Variants in SKA1 observed in about 807,000 individuals in gnomAD.
SKA1 encodes the protein spindle and kinetochore associated complex subunit 1, also known as SKA complex subunit 1.
Under a neutral mutation model 31.8 loss-of-function variants are expected in SKA1, and 20 were observed. The ratio of observed to expected loss-of-function variants is 0.63; its 90% CI spans 0.44 to 0.91. SKA1 has a LOEUF of 0.91. Ranked by LOEUF, SKA1 falls within the 40% of genes least tolerant of loss-of-function variation. The pLI, the probability that SKA1 is intolerant of heterozygous loss-of-function variation, is 0.00. For synonymous variants in SKA1, 88 were observed against 100.5 expected, an observed-to-expected ratio of 0.88 and a Z score of 0.74; for missense variants, 253 against 298.2, an observed-to-expected ratio of 0.85 and a Z score of 1.12.
At position 50,379,610 on chromosome 18, in the gene SKA1, T is replaced by C. The variant is rs2041247762; in HGVS notation, c.89-516T>C. 3.9e-5 allele frequency among the ~76,000 whole-genome samples: 6 copies of C among 152,214 alleles called. No homozygotes were observed. The South Asian group carries it at 1.2e-3, about 31-fold the overall frequency. On this transcript the variant is annotated intron_variant, in intron 2 of 6. Transcript: ENST00000285116. ...TTCTCACTTCCAACACCCTGTGTTT[T>C]AAAGCCCCAAAACCTTGGATCTTAT...
intron 5 of SKA1, among the ~76,000 whole-genome samples, chr18:50,390,394 G>A (rs1347166992): frequency 6.6e-6 from 1 of 152,194 alleles, no homozygotes; most frequent in East Asian, 1.9e-4. Context: ...TTTTTGGTGT[G>A]TTCAAAACAT....
At chr18:50,383,597 A>T (rs1284901511) in intron 4 of SKA1, among the ~76,000 whole-genome samples, 1 of 152,108 alleles carries the variant, frequency 6.6e-6, no homozygotes, top group African/African-American at 2.4e-5. Context: ...TGGCATCTTT[A>T]TCCTGTCTTG....
chr18:50,393,627 A>C lies in SKA1; in HGVS notation c.*1380A>C, dbSNP rs1260070515. 6.6e-6 allele frequency: 1 copy of C among 152,156 alleles called. No individual in the cohort carries two copies. Among genetic ancestry groups the C allele is most frequent in the African/African-American group, 2.4e-5 (1 of 41,396 alleles). 9.4% of individuals were successfully genotyped at this position (152,156 alleles called of 1,614,324 possible). On this transcript the variant is annotated 3_prime_UTR_variant, in exon 7 of 7. Transcript: ENST00000285116. The stretch of plus-strand genomic sequence containing the variant: ...GTTGATGTGATAATGTGATATAATA[A>C]GAAATATATATTTGATCTTCCTATC...
chr18:50,377,682 A>G (rs1031345573), intron 2 of SKA1, among the ~76,000 whole-genome samples: 1 of 152,228 alleles, frequency 6.6e-6, no homozygotes. Context: ...GGCAGACAGA[A>G]TTCCATGTGC....
chr18:50,391,718 TC>T (rs1362285534), intron 6 of SKA1, among the ~76,000 whole-genome samples: 3 of 152,148 alleles, frequency 2.0e-5, no homozygotes, highest in Admixed American at 2.0e-4. Context: ...AGAGCTTCAA[TC>T]CTTACAACAC....
intron 2 of SKA1, among the ~76,000 whole-genome samples, chr18:50,376,948 C>T (rs929395652): frequency 3.3e-5 from 5 of 151,878 alleles, no homozygotes; most frequent in Non-Finnish European, 7.4e-5. Context: ...AGAAGGTCAT[C>T]GGGGCAGTAC....
rs752117335 is a variant in SKA1 at position 50,375,806 on chromosome 18, G to GT, written c.-11-7dup. On this transcript the variant is annotated splice_polypyrimidine_tract_variant and intron_variant, in intron 1 of 6. Coordinates refer to ENST00000285116, the MANE Select transcript of SKA1 (RefSeq NM_145060.4). ...CTTTTCTTGTTACGAATATGTTTATGTTTTTTTCTTCAGAGGCTTAAAGGA... is the reference window on the plus strand; with the variant it reads ...CTTTTCTTGTTACGAATATGTTTATGTTTTTTTTCTTCAGAGGCTTAAAGGA... The GT allele has an allele frequency of 6.0e-6, 9 of 1,507,174 alleles. No individual in the cohort carries two copies. Among genetic ancestry groups the GT allele is most frequent in the Non-Finnish European group, 6.3e-6 (7 of 1,110,430 alleles). The allele number at this position is 1,507,174 out of a possible 1,614,324, so 93.4% of individuals were successfully genotyped here. A position where few individuals can be genotyped will look rare whatever the true frequency, so the allele number is the denominator to read the frequency against.
intron 5 of SKA1, among the ~76,000 whole-genome samples, chr18:50,386,643 T>C (rs1173022786): frequency 6.6e-6 from 1 of 152,208 alleles, no homozygotes; most frequent in Non-Finnish European, 1.5e-5. Flanking sequence ...ACGTATAATG[T>C]CATGTGTCTA....
At chr18:50,377,866 A>C (rs2041232828) in intron 2 of SKA1, among the ~76,000 whole-genome samples, 1 of 152,174 alleles carries the variant, frequency 6.6e-6, no homozygotes, top group Non-Finnish European at 1.5e-5. Context: ...GGAGCCTCAT[A>C]CATTTTACAG....
At chr18:50,378,461 G>C (rs2041238899) in intron 2 of SKA1, among the ~76,000 whole-genome samples, 1 of 152,174 alleles carries the variant, frequency 6.6e-6, no homozygotes. Flanking sequence ...CGGATCGCTT[G>C]AGCTTAGGAG....
chr18:50,377,245 A>G (rs1246937600), intron 2 of SKA1, among the ~76,000 whole-genome samples: 2 of 152,178 alleles, frequency 1.3e-5, no homozygotes, highest in African/African-American at 4.8e-5. Flanking sequence ...TTGTACCATG[A>G]TGTTATGATG....
At chr18:50,392,045 G>T in intron 6 of SKA1, 54 bp from the exon 7 acceptor site, 1 of 1,387,600 alleles carries the variant, frequency 7.2e-7, no homozygotes, top group South Asian at 1.6e-5. Flanking sequence ...ATGTATTAAA[G>T]ACTCTTTTGC....
chr18:50,380,465 C>T (rs1215673339), intron 3 of SKA1, among the ~76,000 whole-genome samples: 2 of 152,166 alleles, frequency 1.3e-5, no homozygotes, highest in African/African-American at 2.4e-5. Flanking sequence ...TTGAACTTTA[C>T]TAAAAAGGAG....
In SKA1 at chr18:50,375,915, T is replaced by G. The variant is rs2041211295; in HGVS notation, c.85T>G (p.Cys29Gly). The stretch of plus-strand genomic sequence containing the variant: ...TAAGAAAACCTTATCATTAAGAAAC[T>G]GTGGTAAGTAAAACAGATTCCACTG... ...NIKKTLSLRN[C>G]GQEPTLKTVL... The change falls in exon 2 of 7, where the codon TGT becomes GGT. Residue 29 changes from cysteine (C) to glycine (G), a missense_variant. Coordinates refer to ENST00000285116, the MANE Select transcript of SKA1 (RefSeq NM_145060.4). The G allele has an allele frequency of 3.8e-6, 6 of 1,574,852 alleles. No individual in the cohort carries two copies. The highest frequency in any genetic ancestry group is 2.7e-5 in the African/African-American group (2 of 73,920).
chr18:50,380,074 G>C, intron 2 of SKA1, 52 bp from the exon 3 acceptor site: 1 of 1,423,086 alleles, frequency 7.0e-7, no homozygotes, highest in Non-Finnish European at 9.3e-7. Flanking sequence ...AGTACTTATA[G>C]CTACTGCTTT....
chr18:50,389,717 T>C (rs1170404448), intron 5 of SKA1, among the ~76,000 whole-genome samples: 1 of 152,210 alleles, frequency 6.6e-6, no homozygotes, highest in African/African-American at 2.4e-5. Flanking sequence ...TATTGACAGC[T>C]TTATTTTCAT....
At chr18:50,377,426 C>G (rs192381877) in intron 2 of SKA1, among the ~76,000 whole-genome samples, 6 of 152,170 alleles carry the variant, frequency 3.9e-5, no homozygotes, top group Non-Finnish European at 7.3e-5. Flanking sequence ...AGTTCATAAC[C>G]CATCTTAGAG....
chr18:50,385,282 G>A lies in SKA1; in HGVS notation c.378G>A (p.Lys126=). ...IKVEEPEPVK[K]PPKEQRSIKE... ...TTGAAGAACCTGAACCCGTAAAGAA[G>A]CCTCCCAAAGAGCAAAGAAGTATTA... The change falls in exon 5 of 7, where the codon AAG becomes AAA. Residue 126 remains lysine, a synonymous_variant. Transcript: ENST00000285116. The A allele has an allele frequency of 6.2e-7, 1 of 1,613,534 alleles. No individual in the cohort carries two copies. Among genetic ancestry groups the A allele is most frequent in the East Asian group, 2.2e-5 (1 of 44,786 alleles).
intron 2 of SKA1, among the ~76,000 whole-genome samples, chr18:50,378,469 G>A (rs1436917284): frequency 1.3e-5 from 2 of 152,136 alleles, no homozygotes; most frequent in East Asian, 3.9e-4. Flanking sequence ...TTGAGCTTAG[G>A]AGTTTGAGAC....
Sources: gnomAD v4.1 joint callset for allele counts (sites outside exome capture counted in the v4.1 genomes callset) on GRCh38, gnomAD v4.1.1 for gene constraint, MANE v1.5 for transcripts, NCBI Gene and HGNC (gene_info 2026-07-23, HGNC 2026-07-21) for gene names.